The following RGS16 variants were observed in gnomAD, a reference collection of about 807,000 sequenced individuals.
RGS16 encodes regulator of G protein signaling 16.
In RGS16, 12 loss-of-function variants were observed where a neutral mutation model predicts 18.1. The observed-to-expected ratio is 0.66, with a 90% CI of 0.42 to 1.07. RGS16 has a LOEUF of 1.07. Among genes scored for constraint, RGS16 ranks in the 50% least tolerant of loss-of-function variants. The pLI is 0.00. For missense variants in RGS16, 238 were observed against 249.2 expected (o/e 0.95, Z 0.30); for synonymous variants, 88 against 102.0 (o/e 0.86, Z 0.83).
At position 182,600,183 on chromosome 1, in the gene RGS16, GTC is replaced by G; in HGVS notation, c.*107_*108del. On this transcript the variant is annotated 3_prime_UTR_variant, in exon 5 of 5. Coordinates refer to ENST00000367558, the MANE Select transcript of RGS16 (RefSeq NM_002928.4). ...TTTTTTTTTTTTTTTTTTTTTTTTT[GTC>G]CTCTTGCACTTGCTTTGCAGAACCT... 1.1e-4 allele frequency: 10 copies of G among 87,730 alleles called. No individual in the cohort carries two copies. The highest frequency in any genetic ancestry group is 1.7e-4 in the East Asian group (1 of 5,768). 5.4% of individuals were successfully genotyped at this position (87,730 alleles called of 1,614,324 possible).
rs780909600 is a variant in RGS16, at chr1:182,600,517, C to T, written c.388-4G>A. 14 of 1,612,758 alleles carry T rather than the reference C, an allele frequency of 8.7e-6. No individual in the cohort carries two copies. The East Asian group carries it at 8.9e-5, about 10-fold the overall frequency. ...GGGTCTCATGGTCAATGTTGACCTG[C>T]GGGAAGGAGGACACACACAGGGTGA... On this transcript the variant is annotated splice_polypyrimidine_tract_variant and splice_region_variant and intron_variant, in intron 4 of 4. Transcript: ENST00000367558.
chr1:182,598,649 A>T lies in RGS16; in HGVS notation c.*1643T>A, dbSNP rs1481224861. 8 of 152,658 alleles carry T rather than the reference A, an allele frequency of 5.2e-5. No individual in the cohort carries two copies. Among genetic ancestry groups the T allele is most frequent in the African/African-American group, 1.7e-4 (7 of 41,446 alleles). 9.5% of individuals were successfully genotyped at this position (152,658 alleles called of 1,614,324 possible). On this transcript the variant is annotated 3_prime_UTR_variant, in exon 5 of 5. Transcript: ENST00000367558. Reference sequence around the variant, plus strand: ...CATATTTGACTTTTGCTTTTATTTTATAAGAATATAACATGCTGAAACAGG... The same window carrying T: ...CATATTTGACTTTTGCTTTTATTTTTTAAGAATATAACATGCTGAAACAGG...
At chr1:182,601,003 C>T (rs1284163998) in intron 4 of RGS16, among the ~76,000 whole-genome samples, 8 of 152,254 alleles carry the variant, frequency 5.3e-5, no homozygotes, top group African/African-American at 1.7e-4. Flanking sequence ...CAAGCCCACA[C>T]CTGGCCATCC....
At position 182,602,448 on chromosome 1, in the gene RGS16, C is replaced by A; in HGVS notation, c.192G>T (p.Glu64Asp). The A allele has an allele frequency of 6.2e-7, 1 of 1,613,820 alleles. No homozygotes were observed. The highest frequency in any genetic ancestry group is 8.5e-7 in the Non-Finnish European group (1 of 1,179,918). ...NFSEDVLGWRESFDLLLSSKN... is the reference protein window; with the variant it reads ...NFSEDVLGWRDSFDLLLSSKN... ...TACTGCTCAGCAGCAGGTCGAACGA[C>A]TCTCTCCACCCCAGCACATCTTCTG... Residue 64 changes from glutamate (E) to aspartate (D), a missense_variant, in exon 3 of 5, where the codon GAG becomes GAT. Transcript: ENST00000367558.
In RGS16 at chr1:182,600,937, C is replaced by A. The variant is rs182799116; in HGVS notation, c.388-424G>T. ...CTCAGTTTGGTAGCTCCTCTGTTGT[C>A]TCCTCATGTCTTTCAGAAGAAGAGC... On this transcript the variant is annotated intron_variant, in intron 4 of 4. Transcript: ENST00000367558. Among the ~76,000 whole-genome samples the A allele has an allele frequency of 1.1e-3, 165 of 152,238 alleles. 1 individual carries two copies. Among genetic ancestry groups the A allele is most frequent in the Middle Eastern group, 6.8e-3 (2 of 294 alleles).
intron 2 of RGS16, 46 bp downstream of exon 2, chr1:182,603,183 C>T (rs1661895136): frequency 2.2e-6 from 3 of 1,388,278 alleles, no homozygotes; most frequent in Non-Finnish European, 3.1e-6. Context: ...GACTCCCTTC[C>T]CACTCCCTTC....
At position 182,602,402 on chromosome 1, in the gene RGS16, C is replaced by T. The variant is rs371001524; in HGVS notation, c.220+18G>A. On this transcript the variant is annotated intron_variant, in intron 3 of 4. Coordinates refer to ENST00000367558, the MANE Select transcript of RGS16 (RefSeq NM_002928.4). The stretch of plus-strand genomic sequence containing the variant: ...CACATGTGCCACCCAGAGACAGACA[C>T]AAAAGGCTCCTACTCACTTTTACTG... 1 of 1,609,836 alleles carries T rather than the reference C, an allele frequency of 6.2e-7. No individual in the cohort carries two copies. The highest frequency in any genetic ancestry group is 1.3e-5 in the African/African-American group (1 of 74,602).
Position 182,600,505 on chromosome 1 carries a change from A to G in RGS16, c.396T>C (p.Ile132=). The G allele has an allele frequency of 6.2e-7, 1 of 1,613,784 alleles. No homozygotes were observed. Among genetic ancestry groups the G allele is most frequent in the Non-Finnish European group, 8.5e-7 (1 of 1,179,760 alleles). The part of the protein sequence containing the change: ...ICSEAPKEVN[I]DHETHELTRM... ...TCGTCAGCTCGTGGGTCTCATGGTC[A>G]ATGTTGACCTGCGGGAAGGAGGACA... Residue 132 remains isoleucine (I), a synonymous_variant, in exon 5 of 5, where the codon ATT becomes ATC. Transcript: ENST00000367558.
intron 1 of RGS16, 122 bp from the exon 2 acceptor site, chr1:182,603,461 GA>G: frequency 1.4e-6 from 1 of 712,800 alleles, no homozygotes; most frequent in Non-Finnish European, 2.4e-6. Context: ...AGAGTTCCTG[GA>G]AACTCTTGGC....
intron 4 of RGS16, among the ~76,000 whole-genome samples, chr1:182,600,973 G>T (rs1343695237): frequency 6.6e-6 from 1 of 152,216 alleles, no homozygotes; most frequent in East Asian, 1.9e-4. Context: ...CAAAGGGCTT[G>T]CTGGGCCCAC....
Position 182,599,068 on chromosome 1 carries a change from T to G in RGS16, c.*1224A>C, listed in dbSNP as rs1239706114. On this transcript the variant is annotated 3_prime_UTR_variant, in exon 5 of 5. Coordinates refer to ENST00000367558, the MANE Select transcript of RGS16 (RefSeq NM_002928.4). ...CCAGCCTGGGCTCTGCCGCAGGAGT[T>G]GCCATCAGGAAATGTTTGTTCAGTG... 1 of 153,376 alleles carries G rather than the reference T, an allele frequency of 6.5e-6. No homozygotes were observed. The highest frequency in any genetic ancestry group is 2.4e-5 in the African/African-American group (1 of 41,440). The allele number at this position is 153,376 out of a possible 1,614,324, so 9.5% of individuals were successfully genotyped here. A position where few individuals can be genotyped will look rare whatever the true frequency, so the allele number is the denominator to read the frequency against.
chr1:182,603,020 T>C (rs575044466), intron 2 of RGS16, among the ~76,000 whole-genome samples: 1 of 152,298 alleles, frequency 6.6e-6, no homozygotes, highest in African/African-American at 2.4e-5. Flanking sequence ...CCCTCATCCG[T>C]GGATGGACTT....
Position 182,604,089 on chromosome 1 carries a change from C to T in RGS16, c.44+127G>A. On this transcript the variant is annotated intron_variant, in intron 1 of 4. Transcript: ENST00000367558. ...GAATCTGAGCACGTGGCATCAAGTG[C>T]GCTTCTACCTCTCTACTCAAGCCTC... is the stretch of plus-strand genomic sequence containing the variant. 6.9e-6 allele frequency: 6 copies of T among 869,166 alleles called. No homozygotes were observed. The Middle Eastern group carries it at 6.6e-4, about 95-fold the overall frequency. The allele number at this position is 869,166 out of a possible 1,614,324, so 53.8% of individuals were successfully genotyped here.
chr1:182,602,346 G>T, intron 3 of RGS16, 74 bp downstream of exon 3: 1 of 1,329,846 alleles, frequency 7.5e-7, no homozygotes, highest in Non-Finnish European at 1.1e-6. Flanking sequence ...GCTCTCAGCA[G>T]TCCTGGGGCT....
rs753276943 is a variant in RGS16, at chr1:182,602,006, T to C, written c.347A>G (p.Gln116Arg). 4.8e-5 allele frequency: 77 copies of C among 1,614,192 alleles called. No individual in the cohort carries two copies. In the East Asian group the frequency reaches 1.6e-3, roughly 34 times the overall value. Residue 116 changes from glutamine to arginine, a missense_variant, in exon 4 of 5, where the codon CAG becomes CGG. By Grantham distance (43) the Gln-to-Arg change is conservative. Transcript: ENST00000367558. ...SATKLASRAH[Q>R]IFEEFICSEA... ...ACTGCAAATGAACTCCTCAAAGATC[T>C]GGTGTGCCCTGGAGGCCAGCTTGGT...
In RGS16 at chr1:182,600,180, T is replaced by C; in HGVS notation, c.*112A>G. On this transcript the variant is annotated 3_prime_UTR_variant, in exon 5 of 5. Coordinates refer to ENST00000367558, the MANE Select transcript of RGS16 (RefSeq NM_002928.4). ...CATTTTTTTTTTTTTTTTTTTTTTT[T>C]TTGTCCTCTTGCACTTGCTTTGCAG... The C allele has an allele frequency of 2.0e-6, 1 of 509,682 alleles. No individual in the cohort carries two copies. Among genetic ancestry groups the C allele is most frequent in the South Asian group, 2.9e-5 (1 of 34,766 alleles). The allele number at this position is 509,682 out of a possible 1,614,324, so 31.6% of individuals were successfully genotyped here.
chr1:182,601,548 G>A (rs138538181), intron 4 of RGS16, among the ~76,000 whole-genome samples: 107 of 152,326 alleles, frequency 7.0e-4, no homozygotes, highest in Non-Finnish European at 1.2e-3. Context: ...GCTGCCATGC[G>A]TTTAGCGGCC....
In RGS16 at chr1:182,600,084, G is replaced by A. The variant is rs1489264759; in HGVS notation, c.*208C>T. Reference sequence around the variant, plus strand: ...TATTCACAGGTCCTGGAAGTGGGCGGCTCCTCTCCAGCATGAGTCCCACAG... The same window carrying A: ...TATTCACAGGTCCTGGAAGTGGGCGACTCCTCTCCAGCATGAGTCCCACAG... On this transcript the variant is annotated 3_prime_UTR_variant, in exon 5 of 5. Coordinates refer to ENST00000367558, the MANE Select transcript of RGS16 (RefSeq NM_002928.4). 2 of 586,376 alleles carry A rather than the reference G, an allele frequency of 3.4e-6. No individual in the cohort carries two copies. The highest frequency in any genetic ancestry group is 6.0e-5 in the Admixed American group (2 of 33,132). The allele number at this position is 586,376 out of a possible 1,614,324, so 36.3% of individuals were successfully genotyped here.
chr1:182,603,173 GACTCCCTTCCC>G (rs1160402787), intron 2 of RGS16, 45 bp downstream of exon 2: 10 of 1,272,548 alleles, frequency 7.9e-6, no homozygotes, highest in Non-Finnish European at 1.1e-5. Flanking sequence ...CCCTCCTCAT[GACTCCCTTCCC>G]ACTCCCTTCC....
Sources: allele counts gnomAD v4.1 joint callset (sites outside exome capture counted in the v4.1 genomes callset), GRCh38; gene constraint gnomAD v4.1.1; transcripts MANE v1.5; gene names NCBI Gene and HGNC (gene_info 2026-07-23, HGNC 2026-07-21).